The following PUS7L variants were observed in gnomAD, a reference collection of about 807,000 sequenced individuals.
The protein encoded by PUS7L is pseudouridylate synthase PUS7L.
Under a neutral mutation model 51.1 loss-of-function variants are expected in PUS7L, and 49 were observed. The ratio of observed to expected loss-of-function variants is 0.96; its 90% CI spans 0.76 to 1.22. The LOEUF is 1.22. Ranked by LOEUF, PUS7L falls within the 50% of genes most tolerant of loss-of-function variation. The probability of loss-of-function intolerance (pLI) is 0.00; values close to 1 mark genes in which losing one functional copy is unlikely to be tolerated. For synonymous variants in PUS7L, 277 were observed against 276.2 expected (o/e 1.00, Z -0.03); for missense variants, 828 against 820.6 (o/e 1.01, Z -0.11).
chr12:43,730,634 G>T lies in PUS7L; in HGVS notation c.1848C>A (p.Asp616Glu). 1 of 1,613,602 alleles carries T rather than the reference G, an allele frequency of 6.2e-7. No homozygotes were observed. The highest frequency in any genetic ancestry group is 8.5e-7 in the Non-Finnish European group (1 of 1,179,654). ...TCTGTAGTCCATCTCTGCTAAGTAT[G>T]TCATGGTACCACTGCCCTACTTTGT... ...PKNKVGQWYH[D>E]ILSRDGLQTC... The change falls in exon 9 of 9, where the codon GAC becomes GAA. Residue 616 changes from aspartate to glutamate, a missense_variant. Transcript: ENST00000344862.
intron 7 of PUS7L, among the ~76,000 whole-genome samples, chr12:43,733,734 G>A (rs920803201): frequency 1.3e-5 from 2 of 151,990 alleles, no homozygotes; most frequent in Non-Finnish European, 2.9e-5. Flanking sequence ...AAATGATAAC[G>A]ATTTTTTATT....
chr12:43,752,084 G>A (rs1394699240), intron 2 of PUS7L, among the ~76,000 whole-genome samples: 4 of 152,154 alleles, frequency 2.6e-5, no homozygotes, highest in Non-Finnish European at 4.4e-5. Flanking sequence ...GTTCTTTGTA[G>A]ATTCTGGATA....
chr12:43,758,659 C>CT, intron 1 of PUS7L, 71 bp downstream of exon 1: 1 of 727,160 alleles, frequency 1.4e-6, no homozygotes, highest in African/African-American at 3.9e-5. Flanking sequence ...TCGTCACCCC[C>CT]CCCCCCCACA....
intron 5 of PUS7L, among the ~76,000 whole-genome samples, chr12:43,740,537 T>C (rs1272885659): frequency 1.3e-5 from 2 of 152,134 alleles, no homozygotes; most frequent in Non-Finnish European, 2.9e-5. Context: ...GGGAGTAGAA[T>C]GAGAATATTT....
rs190451555 is a variant in PUS7L at position 43,720,985 on chromosome 12, A to C, written c.*9391T>G. On this transcript the variant is annotated 3_prime_UTR_variant, in exon 9 of 9. Transcript: ENST00000344862. Reference sequence around the variant, plus strand: ...ATCCCACATGTAAGTACTTGTTGATAAAATATAAAATGCTTAGTACACAGT... The same window carrying C: ...ATCCCACATGTAAGTACTTGTTGATCAAATATAAAATGCTTAGTACACAGT... The C allele has an allele frequency of 4.3e-4, 65 of 152,334 alleles. No individual in the cohort carries two copies. The highest frequency in any genetic ancestry group is 1.2e-3 in the African/African-American group (49 of 41,586). 9.4% of individuals were successfully genotyped at this position (152,334 alleles called of 1,614,324 possible). A position where few individuals can be genotyped will look rare whatever the true frequency, so the allele number is the denominator to read the frequency against.
rs1445692971 is a variant in PUS7L at position 43,722,300 on chromosome 12, CA to C, written c.*8075del. The C allele has an allele frequency of 1.3e-5, 2 of 152,038 alleles. No individual in the cohort carries two copies. The highest frequency in any genetic ancestry group is 2.9e-5 in the Non-Finnish European group (2 of 67,960). The allele number at this position is 152,038 out of a possible 1,614,324, so 9.4% of individuals were successfully genotyped here. A position where few individuals can be genotyped will look rare whatever the true frequency, so the allele number is the denominator to read the frequency against. On this transcript the variant is annotated 3_prime_UTR_variant, in exon 9 of 9. Transcript: ENST00000344862. ...TCTGAAATGTTCTATGGCCCCAAAA[CA>C]ATGACATTTCTACTTTTTGGAGAAC... is the stretch of plus-strand genomic sequence containing the variant.
At chr12:43,732,352 CA>C (rs1166816875) in intron 7 of PUS7L, among the ~76,000 whole-genome samples, 1 of 151,574 alleles carries the variant, frequency 6.6e-6, no homozygotes, top group Non-Finnish European at 1.5e-5. Flanking sequence ...GAGACCCAGG[CA>C]AGAGGATCGC....
intron 5 of PUS7L, chr12:43,741,088 T>G (rs1937876574): frequency 6.6e-6 from 1 of 152,188 alleles, no homozygotes; most frequent in East Asian, 1.9e-4. Context: ...TTGGGGTAAT[T>G]TGTTACACAG....
intron 7 of PUS7L, among the ~76,000 whole-genome samples, chr12:43,733,275 A>G (rs958938977): frequency 4.6e-5 from 7 of 152,230 alleles, no homozygotes; most frequent in Admixed American, 4.6e-4. Flanking sequence ...AGTTTTCTAT[A>G]ATTTTTAATT....
In PUS7L at chr12:43,758,690, T is replaced by C. The variant is rs565138971; in HGVS notation, c.-17+40A>G. 5.6e-5 allele frequency: 23 copies of C among 408,880 alleles called. No individual in the cohort carries two copies. The South Asian group carries it at 1.5e-3, about 27-fold the overall frequency. The allele number at this position is 408,880 out of a possible 1,614,324, so 25.3% of individuals were successfully genotyped here. ...CCACACACACACACACACACACACA[T>C]ACAAGCCCACCATCGCGCAAGAAAC... is the stretch of plus-strand genomic sequence containing the variant. On this transcript the variant is annotated intron_variant, in intron 1 of 8. Coordinates refer to ENST00000344862, the MANE Select transcript of PUS7L (RefSeq NM_031292.5).
chr12:43,737,327 T>A (rs1004389464), intron 6 of PUS7L, among the ~76,000 whole-genome samples: 1 of 152,178 alleles, frequency 6.6e-6, no homozygotes, highest in Non-Finnish European at 1.5e-5. Context: ...ATTTTCCTTA[T>A]TATTACTTAA....
At chr12:43,758,652 T>TGGGGGGGC in intron 1 of PUS7L, 78 bp downstream of exon 1, 4 of 708,220 alleles carry the variant, frequency 5.6e-6, no homozygotes, top group African/African-American at 5.1e-5. Flanking sequence ...GCCAACCTCG[T>TGGGGGGGC]CACCCCCCCC....
chr12:43,753,546 G>A (rs1319322046), intron 2 of PUS7L, among the ~76,000 whole-genome samples: 2 of 152,048 alleles, frequency 1.3e-5, no homozygotes, highest in African/African-American at 4.8e-5. Flanking sequence ...AAAATATCTT[G>A]CTAAATAAAT....
intron 7 of PUS7L, among the ~76,000 whole-genome samples, chr12:43,732,360 T>C (rs560074026): frequency 1.9e-4 from 29 of 151,650 alleles, no homozygotes; most frequent in East Asian, 7.8e-4. Flanking sequence ...GGCAAGAGGA[T>C]CGCTTGATCC....
intron 2 of PUS7L, among the ~76,000 whole-genome samples, chr12:43,749,959 G>A (rs1234509234): frequency 6.6e-6 from 1 of 152,114 alleles, no homozygotes; most frequent in Non-Finnish European, 1.5e-5. Flanking sequence ...CACTACCTGG[G>A]TGATGGGTTC....
At chr12:43,747,279 T>C (rs1938215383) in intron 3 of PUS7L, among the ~76,000 whole-genome samples, 1 of 152,214 alleles carries the variant, frequency 6.6e-6, no homozygotes, top group South Asian at 2.1e-4. Context: ...CAGGGAATGT[T>C]AAACAAATTA....
At chr12:43,736,809 G>A in intron 6 of PUS7L, 148 bp from the exon 7 acceptor site, 2 of 605,288 alleles carry the variant, frequency 3.3e-6, no homozygotes, top group South Asian at 2.9e-5. Context: ...TACACTTGAA[G>A]AGCTTTAAAA....
At chr12:43,737,140 C>T (rs1297965357) in intron 6 of PUS7L, among the ~76,000 whole-genome samples, 1 of 152,136 alleles carries the variant, frequency 6.6e-6, no homozygotes, top group African/African-American at 2.4e-5. Context: ...CACAAATGCA[C>T]TTTGAAATGT....
rs1414236145 is a variant in PUS7L, at chr12:43,725,985, T to A, written c.*4391A>T. On this transcript the variant is annotated 3_prime_UTR_variant, in exon 9 of 9. Coordinates refer to ENST00000344862, the MANE Select transcript of PUS7L (RefSeq NM_031292.5). ...TTTTTTACAGCTCACAAAAAAAAAA[T>A]CAAGGTGTTTTAATTTTAATATTAG... 6.6e-6 allele frequency: 1 copy of A among 151,830 alleles called. No homozygotes were observed. Among genetic ancestry groups the A allele is most frequent in the Admixed American group, 6.6e-5 (1 of 15,232 alleles). The allele number at this position is 151,830 out of a possible 1,614,324, so 9.4% of individuals were successfully genotyped here. A position where few individuals can be genotyped will look rare whatever the true frequency, so the allele number is the denominator to read the frequency against.
Sources: gnomAD v4.1 joint callset for allele counts (sites outside exome capture counted in the v4.1 genomes callset) on GRCh38, gnomAD v4.1.1 for gene constraint, MANE v1.5 for transcripts, NCBI Gene and HGNC (gene_info 2026-07-23, HGNC 2026-07-21) for gene names.